Variants in ACADSB observed in about 807,000 individuals in gnomAD.
ACADSB encodes the protein short/branched chain specific acyl-CoA dehydrogenase, mitochondrial.
In ACADSB, 40 loss-of-function variants were observed where a neutral mutation model predicts 54.1. The observed-to-expected ratio is 0.74, with a 90% confidence interval of 0.57 to 0.96. The LOEUF is 0.96. Ranked by LOEUF, ACADSB falls within the 40% of genes least tolerant of loss-of-function variation. The probability of loss-of-function intolerance (pLI) is 0.00; values close to 1 mark genes in which losing one functional copy is unlikely to be tolerated. For synonymous variants in ACADSB, 182 were observed against 182.8 expected (o/e 1.00, Z 0.03); for missense variants, 530 against 510.4 (o/e 1.04, Z -0.37).
chr10:123,050,702 G>T (rs1475543625), intron 8 of ACADSB, among the ~76,000 whole-genome samples: 1 of 143,520 alleles, frequency 7.0e-6, no homozygotes. Flanking sequence ...GCTGTGCCAG[G>T]ATTTCATTTA....
chr10:123,036,695 G>A (rs1034752101), intron 2 of ACADSB, among the ~76,000 whole-genome samples: 4 of 152,162 alleles, frequency 2.6e-5, no homozygotes, highest in African/African-American at 7.2e-5. Flanking sequence ...GAGGTATTTG[G>A]GGAACAAAGC....
chr10:123,034,931 TTTTC>T (rs895662807), intron 2 of ACADSB, among the ~76,000 whole-genome samples: 22 of 150,712 alleles, frequency 1.5e-4, no homozygotes, highest in Non-Finnish European at 3.0e-4. Context: ...TGGGTTTTCT[TTTTC>T]TTTCTTTCTT....
At chr10:123,053,182 A>G (rs1456241000) in intron 10 of ACADSB, 22 bp downstream of exon 10, 3 of 1,365,258 alleles carry the variant, frequency 2.2e-6, no homozygotes, top group African/African-American at 1.5e-5. Context: ...TTTTTTTTTT[A>G]CATTTTATTT....
At chr10:123,039,567 C>T (rs1850444452) in intron 3 of ACADSB, among the ~76,000 whole-genome samples, 1 of 152,204 alleles carries the variant, frequency 6.6e-6, no homozygotes, top group Non-Finnish European at 1.5e-5. Flanking sequence ...AACACCACCA[C>T]ATGTTCTCTG....
intron 1 of ACADSB, among the ~76,000 whole-genome samples, chr10:123,019,955 CT>C (rs200918918): frequency 1.3e-5 from 2 of 151,862 alleles, no homozygotes; most frequent in Non-Finnish European, 2.9e-5. Context: ...ATCATCCAGT[CT>C]TTTTTTTGTT....
At chr10:123,036,961 G>A (rs1850406624) in intron 2 of ACADSB, among the ~76,000 whole-genome samples, 1 of 152,234 alleles carries the variant, frequency 6.6e-6, no homozygotes, top group Admixed American at 6.5e-5. Context: ...GTAAACTTAA[G>A]AAGGTGTTTT....
At chr10:123,044,268 G>A (rs530629391) in intron 6 of ACADSB, 125 bp from the exon 7 acceptor site, 3 of 801,990 alleles carry the variant, frequency 3.7e-6, no homozygotes, top group South Asian at 2.9e-5. Context: ...GGGAGACACA[G>A]ATGCCGGCAA....
intron 1 of ACADSB, among the ~76,000 whole-genome samples, chr10:123,013,370 C>T (rs1348387908): frequency 6.6e-6 from 1 of 152,222 alleles, no homozygotes. Flanking sequence ...GATTGGTGCA[C>T]TCACAATCCC....
At chr10:123,050,657 TAACTC>T (rs1850617428) in intron 8 of ACADSB, among the ~76,000 whole-genome samples, 1 of 152,182 alleles carries the variant, frequency 6.6e-6, no homozygotes, top group African/African-American at 2.4e-5. Context: ...AAAATTTTCT[TAACTC>T]AAGCAAATAA....
rs748046103 is a variant in ACADSB, at chr10:123,052,554, T to C, written c.1129-507T>C. Reference sequence around the variant, plus strand: ...TTACCCACATCTGCAGAGTCCCTATTGCCATGGAAGGCAGCATATTCACAG... The same window carrying C: ...TTACCCACATCTGCAGAGTCCCTATCGCCATGGAAGGCAGCATATTCACAG... On this transcript the variant is annotated intron_variant, in intron 9 of 10. Coordinates refer to ENST00000358776, the MANE Select transcript of ACADSB (RefSeq NM_001609.4). This position sits in a 1 kb window ranked among gnomAD's most constrained non-coding sequence, Gnocchi z 4.2. Among the ~76,000 whole-genome samples the C allele has an allele frequency of 8.5e-5, 13 of 152,172 alleles. No individual in the cohort carries two copies. The highest frequency in any genetic ancestry group is 1.9e-4 in the Non-Finnish European group (13 of 68,024).
At chr10:123,011,073 G>A (rs191705241) in intron 1 of ACADSB, among the ~76,000 whole-genome samples, 71 of 152,294 alleles carry the variant, frequency 4.7e-4, no homozygotes, top group African/African-American at 1.6e-3. Flanking sequence ...AGCCATTGAA[G>A]GTCAAGAGCT....
intron 5 of ACADSB, 108 bp from the exon 6 acceptor site, chr10:123,042,938 A>G (rs2133483214): frequency 7.9e-7 from 1 of 1,259,872 alleles, no homozygotes; most frequent in Middle Eastern, 2.7e-4. Context: ...TGAGTCCATT[A>G]GTATTTATTA....
At chr10:123,023,739 A>T (rs901301686) in intron 1 of ACADSB, among the ~76,000 whole-genome samples, 1 of 152,242 alleles carries the variant, frequency 6.6e-6, no homozygotes, top group African/African-American at 2.4e-5. Context: ...CCTGCTTAGA[A>T]CAGCAGCACA....
chr10:123,041,744 T>A (rs1300715573), intron 5 of ACADSB, among the ~76,000 whole-genome samples: 1 of 152,164 alleles, frequency 6.6e-6, no homozygotes, highest in Non-Finnish European at 1.5e-5. Context: ...ATGTTAGGTA[T>A]CAGATAATCT....
At chr10:123,044,259 G>T in intron 6 of ACADSB, 134 bp from the exon 7 acceptor site, 1 of 739,396 alleles carries the variant, frequency 1.4e-6, no homozygotes. Flanking sequence ...CAGCGTAGAG[G>T]GAGACACAGA....
At position 123,056,388 on chromosome 10, in the gene ACADSB, GACTT is replaced by G. The variant is rs1347177699; in HGVS notation, c.*2627_*2630del. ...CTGATAAACCCATCAGATCTCATGA[GACTT>G]ACTATCATGAGAATAGCACAGGAAA... On this transcript the variant is annotated 3_prime_UTR_variant, in exon 11 of 11. Coordinates refer to ENST00000358776, the MANE Select transcript of ACADSB (RefSeq NM_001609.4). 1.5e-5 allele frequency: 3 copies of G among 205,456 alleles called. No homozygotes were observed. Among genetic ancestry groups the G allele is most frequent in the Non-Finnish European group, 1.9e-5 (2 of 104,900 alleles). 12.7% of individuals were successfully genotyped at this position (205,456 alleles called of 1,614,324 possible).
rs1461223493 is a variant in ACADSB at position 123,047,363 on chromosome 10, G to GAAATCCA, written c.990+65_990+66insAAATCCA. 29 of 1,163,468 alleles carry GAAATCCA rather than the reference G, an allele frequency of 2.5e-5. No individual in the cohort carries two copies. In the African/African-American group the frequency reaches 4.4e-4, roughly 18 times the overall value. The allele number at this position is 1,163,468 out of a possible 1,614,324, so 72.1% of individuals were successfully genotyped here. ...CCCAGCTTCCTGTTAATGAAGGGCT[G>GAAATCCA]TGTTGAAATCCATGGAGGGAATCCC... is the stretch of plus-strand genomic sequence containing the variant. On this transcript the variant is annotated intron_variant, in intron 8 of 10. Transcript: ENST00000358776.
chr10:123,041,537 G>A (rs963536623), intron 5 of ACADSB, among the ~76,000 whole-genome samples, 158 bp downstream of exon 5: 2 of 151,350 alleles, frequency 1.3e-5, no homozygotes, highest in African/African-American at 4.9e-5. Flanking sequence ...TTTTCACTTC[G>A]TTAATCTCCT....
At position 123,051,042 on chromosome 10, in the gene ACADSB, G is replaced by A. The variant is rs773468834; in HGVS notation, c.991-7G>A. 2.5e-6 allele frequency: 4 copies of A among 1,611,580 alleles called. No homozygotes were observed. The South Asian group carries it at 4.4e-5, about 18-fold the overall frequency. On this transcript the variant is annotated splice_region_variant and splice_polypyrimidine_tract_variant and intron_variant, in intron 8 of 10. Coordinates refer to ENST00000358776, the MANE Select transcript of ACADSB (RefSeq NM_001609.4). ...ATAATTCTCTAACTTGGGCCTGACTGTTACAGGGCCTCCAACACCAAGTGG... is the reference window on the plus strand; with the variant it reads ...ATAATTCTCTAACTTGGGCCTGACTATTACAGGGCCTCCAACACCAAGTGG...
Sources: gnomAD v4.1 joint callset for allele counts (sites outside exome capture counted in the v4.1 genomes callset) on GRCh38, gnomAD v4.1.1 for gene constraint, Gnocchi (gnomAD v3.1) non-coding constraint, MANE v1.5 for transcripts, NCBI Gene and HGNC (gene_info 2026-07-23, HGNC 2026-07-21) for gene names.